Variants in ASH1L observed in about 807,000 individuals in gnomAD.
ASH1L encodes the protein ASH1 like histone lysine methyltransferase.
Under a neutral mutation model 269.0 loss-of-function variants are expected in ASH1L, and 23 were observed. That is an observed-to-expected ratio of 0.09 (90% CI 0.06 to 0.12). The LOEUF (loss-of-function observed/expected upper bound fraction) is 0.12, where lower values mean the gene tolerates loss of function less well. ASH1L is among the 10% of genes least tolerant of loss of function. ASH1L has a pLI of 1.00. For missense variants in ASH1L, 2,912 were observed against 3,567.8 expected (o/e 0.82, Z 4.68); for synonymous variants, 1,187 against 1,253.5 (o/e 0.95, Z 1.12).
intron 2 of ASH1L, among the ~76,000 whole-genome samples, chr1:155,518,837 GA>G (rs2148835604): frequency 7.3e-6 from 1 of 136,184 alleles, no homozygotes; most frequent in African/African-American, 2.7e-5. Context: ...AAGAAGGAAG[GA>G]ATGGAGGGAG....
chr1:155,428,949 T>G (rs1475786202), intron 5 of ASH1L, among the ~76,000 whole-genome samples: 1 of 152,202 alleles, frequency 6.6e-6, no homozygotes, highest in Admixed American at 6.5e-5. Flanking sequence ...TCTGTGTGTG[T>G]GTCTTTAATT....
At chr1:155,551,492 C>G (rs1051155320) in intron 1 of ASH1L, among the ~76,000 whole-genome samples, 7 of 150,672 alleles carry the variant, frequency 4.6e-5, no homozygotes, top group African/African-American at 1.7e-4. Context: ...AACCCCGTCT[C>G]TACTAAAAAT....
rs1278102790 is a variant in ASH1L, at chr1:155,562,610, G to C, written c.-557C>G. On this transcript the variant is annotated 5_prime_UTR_variant, in exon 1 of 28. Transcript: ENST00000392403. ...GTAGCGCGCACGCCCGCCCGCACGCGTACGAGTGTCTACGGGCTCGTCGCT... is the reference window on the plus strand; with the variant it reads ...GTAGCGCGCACGCCCGCCCGCACGCCTACGAGTGTCTACGGGCTCGTCGCT... 2.0e-6 allele frequency: 3 copies of C among 1,528,170 alleles called. No individual in the cohort carries two copies. The highest frequency in any genetic ancestry group is 1.7e-4 in the Middle Eastern group (1 of 5,982). The allele number at this position is 1,528,170 out of a possible 1,614,324, so 94.7% of individuals were successfully genotyped here. A position where few individuals can be genotyped will look rare whatever the true frequency, so the allele number is the denominator to read the frequency against.
intron 4 of ASH1L, among the ~76,000 whole-genome samples, chr1:155,454,651 C>G (rs1663748669): frequency 6.6e-6 from 1 of 152,074 alleles, no homozygotes; most frequent in African/African-American, 2.4e-5. Flanking sequence ...GCCTATAATC[C>G]CAGCTACAAG....
Position 155,481,034 on chromosome 1 carries a change from G to T in ASH1L, c.1836C>A (p.Asn612Lys). 1 of 1,613,932 alleles carries T rather than the reference G, an allele frequency of 6.2e-7. No individual in the cohort carries two copies. The highest frequency in any genetic ancestry group is 2.2e-5 in the East Asian group (1 of 44,872). Residue 612 changes from asparagine to lysine, a missense_variant, in exon 3 of 28, where the codon AAC (asparagine) becomes AAA (lysine). By Grantham distance (94) the Asn-to-Lys change is moderately conservative. Transcript: ENST00000392403. Reference protein sequence around the residue: ...NQFTSESTHLNVGHRSVGHSI... With the variant: ...NQFTSESTHLKVGHRSVGHSI... The stretch of plus-strand genomic sequence containing the variant: ...TATGACCAACTGACCTATGACCAAC[G>T]TTCAAGTGGGTACTTTCAGAAGTAA...
At chr1:155,415,210 C>T (rs999359775) in intron 6 of ASH1L, among the ~76,000 whole-genome samples, 10 of 151,694 alleles carry the variant, frequency 6.6e-5, no homozygotes, top group Admixed American at 2.0e-4. Flanking sequence ...GGTGAAACCC[C>T]GTCTCTACTA....
chr1:155,387,416 C>A (rs1025108690), intron 7 of ASH1L, among the ~76,000 whole-genome samples: 1 of 152,154 alleles, frequency 6.6e-6, no homozygotes, highest in African/African-American at 2.4e-5. Flanking sequence ...TTGTTTTTGT[C>A]AGGTTTGTTA....
In ASH1L at chr1:155,468,467, T is replaced by C. The variant is rs558511405; in HGVS notation, c.4985-8569A>G. ...CTCCTGAAAGTGTGTTCTACATATATTATTTGGAATTTTTCTGTAAGGAAG... is the reference window on the plus strand; with the variant it reads ...CTCCTGAAAGTGTGTTCTACATATACTATTTGGAATTTTTCTGTAAGGAAG... On this transcript the variant is annotated intron_variant, in intron 3 of 27. Coordinates refer to ENST00000392403, the MANE Select transcript of ASH1L (RefSeq NM_018489.3). 1.7e-3 allele frequency among the ~76,000 whole-genome samples: 254 copies of C among 152,298 alleles called. 2 individuals carry two copies. Among genetic ancestry groups the C allele is most frequent in the South Asian group, 0.015 (71 of 4,828 alleles).
At chr1:155,507,893 A>G (rs1667918262) in intron 2 of ASH1L, among the ~76,000 whole-genome samples, 1 of 152,114 alleles carries the variant, frequency 6.6e-6, no homozygotes, top group East Asian at 1.9e-4. Context: ...CTCTTAAAAA[A>G]TGTTATGTAT....
intron 7 of ASH1L, among the ~76,000 whole-genome samples, chr1:155,391,282 C>T (rs1222160280): frequency 6.6e-6 from 1 of 152,192 alleles, no homozygotes; most frequent in Non-Finnish European, 1.5e-5. Flanking sequence ...GTTCAACTGA[C>T]ACTTCTGCCA....
chr1:155,367,450 C>T (rs1386682763), intron 12 of ASH1L, among the ~76,000 whole-genome samples: 4 of 152,080 alleles, frequency 2.6e-5, no homozygotes, highest in South Asian at 2.1e-4. Context: ...ATGTCATCTG[C>T]GAATAATGGT....
At chr1:155,546,682 C>CG (rs1558213451) in intron 1 of ASH1L, among the ~76,000 whole-genome samples, 3 of 151,452 alleles carry the variant, frequency 2.0e-5, no homozygotes, top group Admixed American at 1.3e-4. Context: ...CACTTGAACT[C>CG]GGGGGGCAGA....
chr1:155,385,757 A>G (rs1320632283), intron 7 of ASH1L, among the ~76,000 whole-genome samples: 1 of 152,212 alleles, frequency 6.6e-6, no homozygotes, highest in Non-Finnish European at 1.5e-5. Context: ...AAACTGCTCC[A>G]GCAGAAAAGG....
rs773539607 is a variant in ASH1L, at chr1:155,438,680, A to T, written c.5475T>A (p.His1825Gln). The stretch of plus-strand genomic sequence containing the variant: ...TTTTGGCTTTTAAGATTTTATTGAC[A>T]TGGTCTAGGTTTTTCTTTGTGGCCA... The part of the protein sequence containing the change: ...KILATKKNLD[H>Q]VNKILKAKKL... The change falls in exon 5 of 28, where the codon CAT becomes CAA. Residue 1825 changes from histidine (H) to glutamine (Q), a missense_variant. Coordinates refer to ENST00000392403, the MANE Select transcript of ASH1L (RefSeq NM_018489.3). The T allele has an allele frequency of 6.2e-7, 1 of 1,614,112 alleles. No homozygotes were observed. Among genetic ancestry groups the T allele is most frequent in the East Asian group, 2.2e-5 (1 of 44,884 alleles).
rs146545012 is a variant in ASH1L at position 155,431,613 on chromosome 1, T to C, written c.5828+6714A>G. Among the ~76,000 whole-genome samples, 27 of 151,978 alleles carry C rather than the reference T, an allele frequency of 1.8e-4. No homozygotes were observed. The East Asian group carries it at 5.2e-3, about 29-fold the overall frequency. ...CCATCTCTACAAAAAACACAAAAATTAGCCAGGCCTGGTGGCCCCCGCCTG... is the reference window on the plus strand; with the variant it reads ...CCATCTCTACAAAAAACACAAAAATCAGCCAGGCCTGGTGGCCCCCGCCTG... On this transcript the variant is annotated intron_variant, in intron 5 of 27. Transcript: ENST00000392403.
Position 155,479,701 on chromosome 1 carries a change from T to G in ASH1L, c.3169A>C (p.Thr1057Pro). 2 of 1,614,126 alleles carry G rather than the reference T, an allele frequency of 1.2e-6. No homozygotes were observed. Among genetic ancestry groups the G allele is most frequent in the Non-Finnish European group, 1.7e-6 (2 of 1,180,012 alleles). ...CCAGAAAGAATACCATTTAAGACAG[T>G]TTTTGGTTTGCGACCTCTTCTCTTT... ...IGKRRGRKPKTVLNGILSGSP... is the reference protein window; with the variant it reads ...IGKRRGRKPKPVLNGILSGSP... The change falls in exon 3 of 28, where the codon ACT (threonine) becomes CCT (proline). Residue 1057 changes from threonine (T) to proline (P), a missense_variant. Thr to Pro is a conservative substitution (Grantham distance 38). Transcript: ENST00000392403.
chr1:155,341,868 G>A lies in ASH1L; in HGVS notation c.8460+68C>T, dbSNP rs144427131. 2.5e-3 allele frequency: 3,847 copies of A among 1,513,324 alleles called. 19 individuals carry two copies. Among genetic ancestry groups the A allele is most frequent in the Middle Eastern group, 0.021 (121 of 5,806 alleles). The allele number at this position is 1,513,324 out of a possible 1,614,324, so 93.7% of individuals were successfully genotyped here. ...AGCAGAGAACTACGTGAAGATTTTC[G>A]CTCAGTGAATTTCATGCATGAACCA... On this transcript the variant is annotated intron_variant, in intron 25 of 27. Transcript: ENST00000392403.
At chr1:155,470,799 A>C (rs1665040238) in intron 3 of ASH1L, among the ~76,000 whole-genome samples, 1 of 151,854 alleles carries the variant, frequency 6.6e-6, no homozygotes, top group African/African-American at 2.4e-5. Context: ...TGGCCCACCC[A>C]CCTCGGCCTC....
intron 27 of ASH1L, 60 bp downstream of exon 27, chr1:155,338,029 T>C: frequency 7.9e-6 from 12 of 1,521,590 alleles, no homozygotes; most frequent in Non-Finnish European, 9.8e-6. Flanking sequence ...ACAATTTTTT[T>C]CCATTCCCTC....
Sources: gnomAD v4.1 joint callset for allele counts (sites outside exome capture counted in the v4.1 genomes callset) on GRCh38, gnomAD v4.1.1 for gene constraint, MANE v1.5 for transcripts, NCBI Gene and HGNC (gene_info 2026-07-23, HGNC 2026-07-21) for gene names.